The following PDE10A variants were observed in gnomAD, a reference collection of about 807,000 sequenced individuals.
PDE10A encodes cAMP and cAMP-inhibited cGMP 3',5'-cyclic phosphodiesterase 10A.
PDE10A carries 39 observed loss-of-function variants against 97.7 expected under a neutral mutation model. That is an observed-to-expected ratio of 0.40 (90% CI 0.31 to 0.52). The LOEUF (loss-of-function observed/expected upper bound fraction) is 0.52. PDE10A is among the 20% of genes least tolerant of loss of function. The pLI is 0.56. For synonymous variants in PDE10A, 371 were observed against 376.8 expected, an observed-to-expected ratio of 0.98 and a Z score of 0.18; for missense variants, 731 against 1,047.8, an observed-to-expected ratio of 0.70 and a Z score of 4.17.
Position 165,331,365 on chromosome 6 carries a change from A to C in PDE10A, c.*1660T>G, listed in dbSNP as rs1319674179. 6.6e-6 allele frequency: 1 copy of C among 152,220 alleles called. No homozygotes were observed. Among genetic ancestry groups the C allele is most frequent in the African/African-American group, 2.4e-5 (1 of 41,446 alleles). 9.4% of individuals were successfully genotyped at this position (152,220 alleles called of 1,614,324 possible). A position where few individuals can be genotyped will look rare whatever the true frequency, so the allele number is the denominator to read the frequency against. ...CTTTCAGAAGCCCACAAGAAAACTG[A>C]ACACATAGTGTTAATTTTAAAATAA... On this transcript the variant is annotated 3_prime_UTR_variant, in exon 22 of 22. Coordinates refer to ENST00000539869, the MANE Select transcript of PDE10A (RefSeq NM_001385079.1).
intron 1 of PDE10A, among the ~76,000 whole-genome samples, chr6:165,674,391 C>T (rs928961666): frequency 2.0e-5 from 3 of 151,832 alleles, no homozygotes; most frequent in Non-Finnish European, 2.9e-5. Flanking sequence ...ATTCTAGATC[C>T]GCCACATCCC....
At chr6:165,983,845 G>C (rs541738747) in intron 1 of PDE10A, among the ~76,000 whole-genome samples, 2 of 152,348 alleles carry the variant, frequency 1.3e-5, no homozygotes, top group Admixed American at 1.3e-4. Context: ...TGGGTAAGGG[G>C]TTATGTGTCA....
chr6:165,786,639 T>A (rs962038092), intron 1 of PDE10A, among the ~76,000 whole-genome samples: 1 of 152,164 alleles, frequency 6.6e-6, no homozygotes, highest in Non-Finnish European at 1.5e-5. Context: ...TCTCACCACA[T>A]GGCACTTCAG....
At chr6:165,337,448 T>C (rs1384729306) in intron 20 of PDE10A, among the ~76,000 whole-genome samples, 4 of 152,256 alleles carry the variant, frequency 2.6e-5, no homozygotes, top group Non-Finnish European at 5.9e-5. Flanking sequence ...TCTATCGTCA[T>C]AGCACTCTTA....
At position 165,799,430 on chromosome 6, in the gene PDE10A, C is replaced by G. The variant is rs548286560; in HGVS notation, c.-615+188099G>C. ...AGCTTACTTCATCTTATTATTTGCCCCTCACCTAAAAAGCAAGTAACAATA... is the reference window on the plus strand; with the variant it reads ...AGCTTACTTCATCTTATTATTTGCCGCTCACCTAAAAAGCAAGTAACAATA... On this transcript the variant is annotated intron_variant, in intron 1 of 19. Transcript: ENST00000366882. Among the ~76,000 whole-genome samples, 4 of 150,018 alleles carry G rather than the reference C, an allele frequency of 2.7e-5. No homozygotes were observed. The East Asian group carries it at 7.7e-4, about 29-fold the overall frequency.
rs575877 is a variant in PDE10A, at chr6:165,384,215, C to T, written c.2610+4083G>A. Among the ~76,000 whole-genome samples, 1,136 of 152,164 alleles carry T rather than the reference C, an allele frequency of 7.5e-3. 22 individuals are homozygous for T. Among genetic ancestry groups the T allele is most frequent in the African/African-American group, 0.026 (1,091 of 41,508 alleles). The stretch of plus-strand genomic sequence containing the variant: ...AAAAGGCGGAAAAACAGACAAAATA[C>T]GATGAAGGCTGAAACCGAGATGTCA... On this transcript the variant is annotated intron_variant, in intron 17 of 21. Transcript: ENST00000539869.
At chr6:165,791,680 G>A (rs1447281086) in intron 1 of PDE10A, among the ~76,000 whole-genome samples, 1 of 152,104 alleles carries the variant, frequency 6.6e-6, no homozygotes, top group African/African-American at 2.4e-5. Flanking sequence ...TCACAGCTCC[G>A]TGGCCTTCAC....
At chr6:165,731,159 C>T (rs1025226996) in intron 1 of PDE10A, among the ~76,000 whole-genome samples, 1 of 152,206 alleles carries the variant, frequency 6.6e-6, no homozygotes, top group Non-Finnish European at 1.5e-5. Context: ...CCTGCGGCCT[C>T]GTGGCCCCCG....
intron 1 of PDE10A, among the ~76,000 whole-genome samples, chr6:165,926,877 T>C (rs911224847): frequency 1.3e-5 from 2 of 152,258 alleles, no homozygotes; most frequent in African/African-American, 2.4e-5. Context: ...TGCATTTCTA[T>C]AGATTTTGCA....
chr6:165,690,117 A>G (rs1791231983), intron 1 of PDE10A, among the ~76,000 whole-genome samples: 1 of 152,210 alleles, frequency 6.6e-6, no homozygotes, highest in African/African-American at 2.4e-5. Context: ...AGGAAGAAGT[A>G]GGATTTGAAT....
intron 1 of PDE10A, among the ~76,000 whole-genome samples, chr6:165,910,290 A>G (rs368082026): frequency 1.3e-5 from 2 of 152,344 alleles, no homozygotes; most frequent in African/African-American, 4.8e-5. Context: ...AGATGGCCAG[A>G]AAACTCAGGC....
chr6:165,602,575 C>A (rs999501738), intron 1 of PDE10A, among the ~76,000 whole-genome samples: 1 of 152,186 alleles, frequency 6.6e-6, no homozygotes, highest in Non-Finnish European at 1.5e-5. Flanking sequence ...AGCATGTGTA[C>A]AGGCCCCTTC....
intron 2 of PDE10A, among the ~76,000 whole-genome samples, chr6:165,497,293 G>C (rs1200060389): frequency 6.6e-6 from 1 of 152,088 alleles, no homozygotes; most frequent in Non-Finnish European, 1.5e-5. Context: ...ATCACCATCA[G>C]TGAGAGTAAC....
chr6:165,350,178 G>A (rs1049521798), intron 18 of PDE10A, among the ~76,000 whole-genome samples: 2 of 152,238 alleles, frequency 1.3e-5, no homozygotes, highest in East Asian at 3.9e-4. Flanking sequence ...GCCAGCCCAT[G>A]CAAGCAGCCG....
intron 1 of PDE10A, among the ~76,000 whole-genome samples, chr6:165,701,223 G>A (rs917387503): frequency 9.2e-5 from 14 of 152,344 alleles, no homozygotes; most frequent in African/African-American, 1.2e-4. Context: ...AAAGCCTGCC[G>A]AAGAGTGACC....
intron 1 of PDE10A, among the ~76,000 whole-genome samples, chr6:165,674,370 C>T (rs1285995711): frequency 1.3e-5 from 2 of 151,900 alleles, no homozygotes; most frequent in East Asian, 3.9e-4. Flanking sequence ...TCAGAATAGA[C>T]CTGGCCTTAA....
intron 1 of PDE10A, among the ~76,000 whole-genome samples, chr6:165,754,840 G>A (rs1010727608): frequency 4.1e-4 from 63 of 152,056 alleles, no homozygotes; most frequent in African/African-American, 1.4e-3. Flanking sequence ...TGATCCTTTC[G>A]GGGTCAAAAA....
chr6:165,395,143 C>T, intron 15 of PDE10A, 38 bp downstream of exon 15: 1 of 1,310,646 alleles, frequency 7.6e-7, no homozygotes. Flanking sequence ...GTTATGTCAC[C>T]CAATATTTCA....
chr6:165,518,243 G>A (rs967723341), intron 2 of PDE10A, among the ~76,000 whole-genome samples: 3 of 152,278 alleles, frequency 2.0e-5, no homozygotes, highest in African/African-American at 7.2e-5. Flanking sequence ...ACATGAGTAG[G>A]TAGGGTCAAA....
Sources: allele counts gnomAD v4.1 joint callset (sites outside exome capture counted in the v4.1 genomes callset), GRCh38; gene constraint gnomAD v4.1.1; transcripts MANE v1.5; gene names NCBI Gene and HGNC (gene_info 2026-07-23, HGNC 2026-07-21).